GABRA5: variants seen among roughly 807,000 people sequenced by gnomAD.
GABRA5 encodes the protein gamma-aminobutyric acid receptor subunit alpha-5.
In GABRA5, 18 loss-of-function variants were observed where a neutral mutation model predicts 47.3. That is an observed-to-expected ratio of 0.38 (90% CI 0.26 to 0.56). The LOEUF is 0.56. Ranked by LOEUF, GABRA5 falls within the 20% of genes least tolerant of loss-of-function variation. The pLI is 0.71. For missense variants in GABRA5, 365 were observed against 599.3 expected (o/e 0.61, Z 4.08); for synonymous variants, 237 against 229.3 (o/e 1.03, Z -0.30).
intron 10 of GABRA5, among the ~76,000 whole-genome samples, chr15:26,945,863 T>G (rs1401792477): frequency 9.6e-6 from 1 of 104,546 alleles, no homozygotes; most frequent in African/African-American, 3.8e-5. Context: ...ACGCACACCC[T>G]CAGGACAGAG....
At chr15:26,938,776 C>T (rs1291559376) in intron 8 of GABRA5, among the ~76,000 whole-genome samples, 1 of 152,200 alleles carries the variant, frequency 6.6e-6, no homozygotes, top group Non-Finnish European at 1.5e-5. Context: ...ATTGTTGGCT[C>T]CTCTTGTGTT....
At chr15:26,940,108 G>A in intron 9 of GABRA5, 31 bp downstream of exon 9, 2 of 1,582,902 alleles carry the variant, frequency 1.3e-6, no homozygotes, top group Non-Finnish European at 1.7e-6. Context: ...CCTGGACACT[G>A]GTGTTTTGTG....
chr15:26,947,627 G>A (rs914813697), intron 10 of GABRA5, among the ~76,000 whole-genome samples: 1 of 152,112 alleles, frequency 6.6e-6, no homozygotes, highest in Non-Finnish European at 1.5e-5. Flanking sequence ...GGGCATTTAG[G>A]TTGATTCCAT....
chr15:26,868,457 G>C (rs1892381507), intron 1 of GABRA5, among the ~76,000 whole-genome samples: 2 of 152,326 alleles, frequency 1.3e-5, no homozygotes, highest in African/African-American at 4.8e-5. Context: ...ACCTATTTGC[G>C]TTATGCGCAT....
rs992752254 is a variant in GABRA5 at position 26,884,920 on chromosome 15, C to T, written c.497+1363C>T. Among the ~76,000 whole-genome samples the T allele has an allele frequency of 4.6e-5, 7 of 152,110 alleles. No homozygotes were observed. The East Asian group carries it at 1.2e-3, about 25-fold the overall frequency. The stretch of plus-strand genomic sequence containing the variant: ...CAAGAGCACATTTGGTTATGGTTTG[C>T]GGAGGCATAATCACTAACCCCCTCA... On this transcript the variant is annotated intron_variant, in intron 6 of 10. Transcript: ENST00000335625.
chr15:26,877,039 C>A (rs1041939383), intron 3 of GABRA5, among the ~76,000 whole-genome samples: 2 of 152,150 alleles, frequency 1.3e-5, no homozygotes, highest in African/African-American at 4.8e-5. Context: ...GAATGGAGAA[C>A]CTCCATGAAG....
intron 6 of GABRA5, among the ~76,000 whole-genome samples, chr15:26,885,361 C>CAAAG (rs752989346): frequency 0.11 from 16,498 of 151,412 alleles, 982 homozygotes; most frequent in East Asian, 0.17. Context: ...TGAGCTCTAT[C>CAAAG]CTGTTTGAGC....
At chr15:26,939,823 C>T in intron 8 of GABRA5, 102 bp from the exon 9 acceptor site, 1 of 1,181,098 alleles carries the variant, frequency 8.5e-7, no homozygotes, top group Non-Finnish European at 1.2e-6. Flanking sequence ...GAATGCTTGT[C>T]CAAACCGACA....
At chr15:26,922,568 T>C (rs7172824) in intron 7 of GABRA5, among the ~76,000 whole-genome samples, 132,262 of 152,216 alleles carry the variant, frequency 0.87, 57,796 homozygotes, top group African/African-American at 0.97. Context: ...TTTAATGTAA[T>C]GAATGAAATG....
intron 6 of GABRA5, among the ~76,000 whole-genome samples, chr15:26,893,578 C>A (rs1253202889): frequency 1.3e-5 from 2 of 151,896 alleles, no homozygotes; most frequent in Admixed American, 6.6e-5. Context: ...TAGGGCTCCC[C>A]TTCCTCTGCC....
chr15:26,891,405 C>T (rs865917971), intron 6 of GABRA5, among the ~76,000 whole-genome samples: 33 of 152,258 alleles, frequency 2.2e-4, no homozygotes, highest in Middle Eastern at 3.4e-3. Context: ...GGCAATTAGC[C>T]CATCGATAAT....
intron 6 of GABRA5, among the ~76,000 whole-genome samples, chr15:26,898,478 T>A (rs966574266): frequency 6.6e-6 from 1 of 152,196 alleles, no homozygotes; most frequent in Non-Finnish European, 1.5e-5. Flanking sequence ...ATTATAAATA[T>A]TAGCTCAAAG....
intron 6 of GABRA5, among the ~76,000 whole-genome samples, chr15:26,887,567 GCCTCGGCCTCCACCCA>G (rs1186097352): frequency 2.6e-5 from 4 of 151,954 alleles, no homozygotes; most frequent in Middle Eastern, 3.4e-3. Flanking sequence ...CCTAACCTCA[GCCTCGGCCTCCACCCA>G]CCTCGGCCTC....
Sources: gnomAD v4.1 joint callset for allele counts (sites outside exome capture counted in the v4.1 genomes callset) on GRCh38, gnomAD v4.1.1 for gene constraint, MANE v1.5 for transcripts, NCBI Gene and HGNC (gene_info 2026-07-23, HGNC 2026-07-21) for gene names.